Variants in CDKL2 observed in about 807,000 individuals in gnomAD.
CDKL2 encodes cyclin dependent kinase like 2.
Under a neutral mutation model 63.9 loss-of-function variants are expected in CDKL2, and 64 were observed. The observed-to-expected ratio is 1.00, with a 90% confidence interval of 0.82 to 1.23. CDKL2 has a LOEUF of 1.23. Among genes scored for constraint, CDKL2 ranks in the 50% most tolerant of loss-of-function variants. The pLI is 0.00. For synonymous variants in CDKL2, 211 were observed against 229.2 expected (o/e 0.92, Z 0.72); for missense variants, 656 against 668.0 (o/e 0.98, Z 0.20).
intron 2 of CDKL2, among the ~76,000 whole-genome samples, chr4:75,619,660 T>C (rs1443339327): frequency 6.6e-6 from 1 of 150,390 alleles, no homozygotes; most frequent in Non-Finnish European, 1.5e-5. Context: ...ACAATGTCTT[T>C]CCATGCCCTC....
At chr4:75,605,718 C>G in intron 4 of CDKL2, 84 bp from the exon 5 acceptor site, 1 of 770,766 alleles carries the variant, frequency 1.3e-6, no homozygotes, top group Non-Finnish European at 2.2e-6. Context: ...AGGTGATGCT[C>G]AAAGGAAATG....
rs898279381 is a variant in CDKL2, at chr4:75,614,312, T to C, written c.306A>G (p.Val102=). The change falls in exon 3 of 14, where the codon GTA becomes GTG. Residue 102 remains valine (V), a synonymous_variant. Transcript: ENST00000307465. ...ELFPNGLDYQ[V]VQKYLFQIIN... ...TAATCTGAAACAAATACTTTTGAAC[T>C]ACTTGGTAGTCTAGTCCATTTGGAA... The C allele has an allele frequency of 6.2e-7, 1 of 1,609,600 alleles. No individual in the cohort carries two copies. Among genetic ancestry groups the C allele is most frequent in the Non-Finnish European group, 8.5e-7 (1 of 1,178,628 alleles).
At chr4:75,598,240 T>G (rs1225962895) in intron 7 of CDKL2, 28 bp from the exon 8 acceptor site, 3 of 1,253,612 alleles carry the variant, frequency 2.4e-6, no homozygotes, top group Non-Finnish European at 2.2e-6. Context: ...AAAATAAAAT[T>G]GTAAGACATG....
chr4:75,578,136 A>T lies in CDKL2; in HGVS notation c.*1066T>A, dbSNP rs1245537207. The T allele has an allele frequency of 6.6e-6, 1 of 152,158 alleles. No individual in the cohort carries two copies. The highest frequency in any genetic ancestry group is 1.9e-4 in the East Asian group (1 of 5,194). The allele number at this position is 152,158 out of a possible 1,614,324, so 9.4% of individuals were successfully genotyped here. Reference sequence around the variant, plus strand: ...ATTCCTCCCACCTAAAAAGTTTTGGATCCATGCATTGGAAAAGATGTGTGG... The same window carrying T: ...ATTCCTCCCACCTAAAAAGTTTTGGTTCCATGCATTGGAAAAGATGTGTGG... On this transcript the variant is annotated 3_prime_UTR_variant, in exon 14 of 14. Coordinates refer to ENST00000307465, the MANE Select transcript of CDKL2 (RefSeq NM_001330724.2).
chr4:75,589,073 C>T (rs1207145803), intron 12 of CDKL2, among the ~76,000 whole-genome samples: 1 of 152,136 alleles, frequency 6.6e-6, no homozygotes, highest in African/African-American at 2.4e-5. Context: ...AGAAGATATA[C>T]AGCTCTCTCA....
chr4:75,609,562 C>T (rs948431619), intron 3 of CDKL2, among the ~76,000 whole-genome samples: 1 of 150,190 alleles, frequency 6.7e-6, no homozygotes, highest in Non-Finnish European at 1.5e-5. Flanking sequence ...GCCGAGATTG[C>T]GCCATTGCAC....
At chr4:75,588,595 G>T (rs919025975) in intron 12 of CDKL2, among the ~76,000 whole-genome samples, 1 of 152,036 alleles carries the variant, frequency 6.6e-6, no homozygotes, top group African/African-American at 2.4e-5. Context: ...ACAATTAGAG[G>T]TATCTTTGTA....
chr4:75,607,950 C>G (rs1038595219), intron 3 of CDKL2, among the ~76,000 whole-genome samples: 1 of 149,480 alleles, frequency 6.7e-6, no homozygotes, highest in East Asian at 2.0e-4. Context: ...GTAGGTGGGA[C>G]TACTGGCGCC....
At chr4:75,584,661 A>G (rs868150657) in intron 12 of CDKL2, among the ~76,000 whole-genome samples, 20 of 152,236 alleles carry the variant, frequency 1.3e-4, no homozygotes, top group Admixed American at 7.2e-4. Flanking sequence ...CTAAATATAC[A>G]GTATTGTGTT....
At chr4:75,626,465 G>C (rs191279753) in intron 1 of CDKL2, among the ~76,000 whole-genome samples, 1 of 152,116 alleles carries the variant, frequency 6.6e-6, no homozygotes, top group African/African-American at 2.4e-5. Context: ...GGGAGATTGA[G>C]ACCATCCTGG....
intron 12 of CDKL2, among the ~76,000 whole-genome samples, chr4:75,585,113 T>C (rs1728419826): frequency 6.6e-6 from 1 of 152,170 alleles, no homozygotes; most frequent in Non-Finnish European, 1.5e-5. Flanking sequence ...AGATTTACTA[T>C]GCAAACATAC....
At chr4:75,619,122 T>A (rs1730051215) in intron 2 of CDKL2, among the ~76,000 whole-genome samples, 1 of 152,156 alleles carries the variant, frequency 6.6e-6, no homozygotes, top group Non-Finnish European at 1.5e-5. Context: ...TTGAACTTAC[T>A]AAGGAGGTCC....
chr4:75,596,878 T>C (rs1728961931), intron 9 of CDKL2, 57 bp downstream of exon 9: 1 of 1,401,556 alleles, frequency 7.1e-7, no homozygotes, highest in African/African-American at 1.4e-5. Context: ...GACAAACCCT[T>C]GCAATTTGCA....
chr4:75,613,588 A>G (rs1369879547), intron 3 of CDKL2, among the ~76,000 whole-genome samples: 1 of 152,210 alleles, frequency 6.6e-6, no homozygotes, highest in East Asian at 1.9e-4. Flanking sequence ...CAAAGTATAT[A>G]AAATTATTGT....
Position 75,626,001 on chromosome 4 carries a change from T to C in CDKL2, c.-13A>G. 1 of 1,604,786 alleles carries C rather than the reference T, an allele frequency of 6.2e-7. No individual in the cohort carries two copies. The highest frequency in any genetic ancestry group is 8.5e-7 in the Non-Finnish European group (1 of 1,178,122). ...CATATTTTTCCATTTTAATTTAAAG[T>C]CCGTAGAAACTTTTTGCTGTGAAAA... On this transcript the variant is annotated 5_prime_UTR_variant, in exon 2 of 14. Transcript: ENST00000307465.
At chr4:75,590,307 C>T (rs1249583586) in intron 12 of CDKL2, among the ~76,000 whole-genome samples, 1 of 152,180 alleles carries the variant, frequency 6.6e-6, no homozygotes, top group Non-Finnish European at 1.5e-5. Context: ...AAATTGTTGG[C>T]AAGAGATAAG....
At chr4:75,580,461 T>C (rs1728210822) in intron 13 of CDKL2, among the ~76,000 whole-genome samples, 1 of 151,408 alleles carries the variant, frequency 6.6e-6, no homozygotes, top group Non-Finnish European at 1.5e-5. Context: ...AGCTCAGGAG[T>C]TTGAGGCCAC....
chr4:75,596,458 T>C (rs1728938937), intron 9 of CDKL2, 118 bp from the exon 10 acceptor site: 3 of 661,992 alleles, frequency 4.5e-6, no homozygotes, highest in Admixed American at 4.8e-5. Context: ...GTAATGTCTA[T>C]TCTCAAATAT....
intron 1 of CDKL2, among the ~76,000 whole-genome samples, chr4:75,626,470 T>C (rs1457980012): frequency 1.3e-5 from 2 of 151,984 alleles, no homozygotes; most frequent in South Asian, 2.1e-4. Flanking sequence ...ATTGAGACCA[T>C]CCTGGCTAAC....
Sources: gnomAD v4.1 joint callset for allele counts (sites outside exome capture counted in the v4.1 genomes callset) on GRCh38, gnomAD v4.1.1 for gene constraint, MANE v1.5 for transcripts, NCBI Gene and HGNC (gene_info 2026-07-23, HGNC 2026-07-21) for gene names.